The following HCLS1 variants were observed in gnomAD, a reference collection of about 807,000 sequenced individuals.
The protein encoded by HCLS1 is hematopoietic cell-specific Lyn substrate 1, also known as hematopoietic lineage cell-specific protein.
In HCLS1, 44 loss-of-function variants were observed where a neutral mutation model predicts 68.6. That is an observed-to-expected ratio of 0.64 (90% CI 0.50 to 0.82). The LOEUF (loss-of-function observed/expected upper bound fraction) is 0.82, where lower values mean the gene tolerates loss of function less well. Ranked by LOEUF, HCLS1 falls within the 40% of genes least tolerant of loss-of-function variation. The pLI is 0.00. For synonymous variants in HCLS1, 217 were observed against 225.8 expected (o/e 0.96, Z 0.35); for missense variants, 602 against 612.1 (o/e 0.98, Z 0.17).
At chr3:121,644,306 AT>A (rs1336785562) in intron 5 of HCLS1, 1 of 214,586 alleles carries the variant, frequency 4.7e-6, no homozygotes, top group Non-Finnish European at 9.7e-6. Context: ...TTAAAACAAC[AT>A]TTTGTTTTGT....
chr3:121,650,008 T>C (rs549143988), intron 3 of HCLS1, among the ~76,000 whole-genome samples: 4 of 152,286 alleles, frequency 2.6e-5, no homozygotes, highest in African/African-American at 9.6e-5. Context: ...GGATACAAGG[T>C]CATTATATCA....
intron 6 of HCLS1, among the ~76,000 whole-genome samples, chr3:121,638,803 T>TA (rs1220495039): frequency 2.0e-5 from 3 of 152,212 alleles, no homozygotes; most frequent in Admixed American, 2.0e-4. Flanking sequence ...GCTCCAATGA[T>TA]AAAAGAACAA....
At position 121,634,408 on chromosome 3, in the gene HCLS1, A is replaced by G; in HGVS notation, c.702T>C (p.Gly234=). The change falls in exon 10 of 14, where the codon GGT becomes GGC. Residue 234 remains glycine, a synonymous_variant. Coordinates refer to ENST00000314583, the MANE Select transcript of HCLS1 (RefSeq NM_005335.6). ...KTTPIEAASS[G]TRGLKAKFES... is the part of the protein sequence containing the mutation. ...CAAATTTCGCCTTCAGCCCACGGGT[A>G]CCACTAGAAGCTGCAGACACAGGCA... The G allele has an allele frequency of 6.2e-7, 1 of 1,613,976 alleles. No homozygotes were observed. Among genetic ancestry groups the G allele is most frequent in the Non-Finnish European group, 8.5e-7 (1 of 1,179,898 alleles).
chr3:121,658,920 G>A (rs1937931172), intron 1 of HCLS1, among the ~76,000 whole-genome samples: 1 of 152,182 alleles, frequency 6.6e-6, no homozygotes, highest in Non-Finnish European at 1.5e-5. Context: ...CCTCACAGCT[G>A]TGTAAGGTCA....
chr3:121,646,656 TATA>T (rs1937611965), intron 4 of HCLS1, among the ~76,000 whole-genome samples: 1 of 118,670 alleles, frequency 8.4e-6, no homozygotes, highest in African/African-American at 3.2e-5. Context: ...TATATATACT[TATA>T]ATATATATAC....
chr3:121,646,027 G>T (rs2049243452), intron 4 of HCLS1, among the ~76,000 whole-genome samples: 2 of 125,318 alleles, frequency 1.6e-5, no homozygotes, highest in African/African-American at 3.1e-5. Flanking sequence ...AATTATATAA[G>T]TATATAATAT....
Position 121,631,680 on chromosome 3 carries a change from C to A in HCLS1, c.*166G>T. 1 of 654,870 alleles carries A rather than the reference C, an allele frequency of 1.5e-6. No individual in the cohort carries two copies. The highest frequency in any genetic ancestry group is 2.8e-5 in the East Asian group (1 of 36,168). The allele number at this position is 654,870 out of a possible 1,614,324, so 40.6% of individuals were successfully genotyped here. On this transcript the variant is annotated 3_prime_UTR_variant, in exon 14 of 14. Transcript: ENST00000314583. ...TAGAGAGGACTCTTGGGGAAGGGGA[C>A]CTCCTTCCCCATGCTGTCTCTGCCC...
intron 1 of HCLS1, 50 bp downstream of exon 1, chr3:121,660,770 T>C (rs1194949646): frequency 6.6e-6 from 1 of 152,430 alleles, no homozygotes; most frequent in African/African-American, 2.4e-5. Context: ...AGGTTCCTCC[T>C]CAACTCTTAC....
intron 2 of HCLS1, 140 bp from the exon 3 acceptor site, chr3:121,657,492 T>C (rs1937897976): frequency 2.8e-6 from 2 of 716,574 alleles, no homozygotes; most frequent in Admixed American, 2.3e-5. Flanking sequence ...ATCCCCTCTA[T>C]ATTTATCCCA....
rs2049128139 is a variant in HCLS1, at chr3:121,634,279, C to A, written c.831G>T (p.Glu277Asp). Residue 277 changes from glutamate (E) to aspartate (D), a missense_variant, in exon 10 of 14, where the codon GAG becomes GAT. Coordinates refer to ENST00000314583, the MANE Select transcript of HCLS1 (RefSeq NM_005335.6). The part of the protein sequence containing the change: ...ERKAVTKRSP[E>D]APQPVIAMEE... ...CCATAGCTATCACTGGCTGTGGAGC[C>A]TCAGGGCTCCTCTTTGTCACAGCCT... 1.9e-6 allele frequency: 3 copies of A among 1,614,056 alleles called. No individual in the cohort carries two copies. Among genetic ancestry groups the A allele is most frequent in the Non-Finnish European group, 2.5e-6 (3 of 1,180,054 alleles).
chr3:121,646,125 T>C (rs2049244856), intron 4 of HCLS1, among the ~76,000 whole-genome samples: 1 of 108,164 alleles, frequency 9.2e-6, no homozygotes. Flanking sequence ...TATATACTTA[T>C]ATATAACAGA....
chr3:121,647,044 T>C (rs780837204), intron 4 of HCLS1, among the ~76,000 whole-genome samples: 1 of 150,080 alleles, frequency 6.7e-6, no homozygotes, highest in African/African-American at 2.4e-5. Context: ...TGCAGTGGCA[T>C]GATCTCGGCT....
In HCLS1 at chr3:121,631,627, A is replaced by G. The variant is rs565284987; in HGVS notation, c.*219T>C. The G allele has an allele frequency of 1.6e-4, 87 of 538,606 alleles. No homozygotes were observed. The East Asian group carries it at 2.6e-3, about 16-fold the overall frequency. The allele number at this position is 538,606 out of a possible 1,614,324, so 33.4% of individuals were successfully genotyped here. On this transcript the variant is annotated 3_prime_UTR_variant, in exon 14 of 14. Coordinates refer to ENST00000314583, the MANE Select transcript of HCLS1 (RefSeq NM_005335.6). ...TCATTGGGAAGGAGTCAGGAACACA[A>G]GAGAAATGTTCATGAGCTCATCCAG... is the stretch of plus-strand genomic sequence containing the variant.
intron 10 of HCLS1, among the ~76,000 whole-genome samples, chr3:121,633,492 G>A (rs2049119818): frequency 6.6e-6 from 1 of 152,122 alleles, no homozygotes; most frequent in Non-Finnish European, 1.5e-5. Context: ...AAAGTGCTGG[G>A]ATTACAGGCA....
At chr3:121,658,381 CA>C in intron 1 of HCLS1, 34 bp from the exon 2 acceptor site, 2 of 1,499,038 alleles carry the variant, frequency 1.3e-6, no homozygotes, top group Non-Finnish European at 1.8e-6. Flanking sequence ...TAATTAGGGA[CA>C]AAAAAGGATC....
rs1216493349 is a variant in HCLS1 at position 121,635,188 on chromosome 3, C to CTCTT, written c.691+543_691+546dup. 1.1e-3 allele frequency among the ~76,000 whole-genome samples: 160 copies of CTCTT among 151,810 alleles called. 1 individual carries two copies. The highest frequency in any genetic ancestry group is 3.6e-3 in the African/African-American group (149 of 41,400). On this transcript the variant is annotated intron_variant, in intron 9 of 13. Transcript: ENST00000314583. ...ACTCTGTCTATCCACTTGACTTTCT[C>CTCTT]TCTTTCTTTCTTTTCTTTCTTTCTC... is the stretch of plus-strand genomic sequence containing the variant.
chr3:121,647,094 G>A (rs984992728), intron 4 of HCLS1, among the ~76,000 whole-genome samples: 3 of 147,492 alleles, frequency 2.0e-5, no homozygotes, highest in African/African-American at 7.4e-5. Context: ...CCATTCTCCT[G>A]CCTCAGCCTC....
At chr3:121,636,395 G>A (rs1024738554) in intron 8 of HCLS1, 39 bp downstream of exon 8, 2 of 1,528,740 alleles carry the variant, frequency 1.3e-6, no homozygotes, top group Non-Finnish European at 1.8e-6. Flanking sequence ...CCTAAACTTA[G>A]GGAACTCTTC....
At chr3:121,644,683 G>A in intron 5 of HCLS1, 135 bp downstream of exon 5, 1 of 769,012 alleles carries the variant, frequency 1.3e-6, no homozygotes, top group Non-Finnish European at 2.4e-6. Context: ...AGGTATCCCT[G>A]TGACGGTGTC....
Sources: allele counts gnomAD v4.1 joint callset (sites outside exome capture counted in the v4.1 genomes callset), GRCh38; gene constraint gnomAD v4.1.1; transcripts MANE v1.5; gene names NCBI Gene and HGNC (gene_info 2026-07-23, HGNC 2026-07-21).